BRD10: variants seen among roughly 807,000 people sequenced by gnomAD.
BRD10 encodes uncharacterized bromodomain-containing protein 10.
chr9:5,881,938 C>T, the BRD10 span, among the ~76,000 whole-genome samples: 2 of 152,182 alleles, frequency 1.3e-5, no homozygotes, highest in Non-Finnish European at 2.9e-5. Context: ...TCCCCACTCT[C>T]ACAGAGCCCA....
the BRD10 span, chr9:5,920,528 G>T: frequency 1.9e-6 from 3 of 1,613,958 alleles, no homozygotes; most frequent in South Asian, 1.1e-5. Context: ...AAAATTGGAC[G>T]TATTAGTTAT....
the BRD10 span, chr9:5,920,579 G>C: frequency 6.8e-6 from 11 of 1,613,930 alleles, no homozygotes; most frequent in Non-Finnish European, 8.5e-6. Flanking sequence ...TTCAGTTTGA[G>C]GTTTATTTGT....
the BRD10 span, among the ~76,000 whole-genome samples, chr9:5,993,945 A>C: frequency 6.7e-6 from 1 of 149,380 alleles, no homozygotes; most frequent in Non-Finnish European, 1.5e-5. Context: ...GAATTCTGAC[A>C]AAAAAATTTG....
At chr9:5,983,322 C>T in the BRD10 span, among the ~76,000 whole-genome samples, 9 of 152,152 alleles carry the variant, frequency 5.9e-5, no homozygotes, top group Non-Finnish European at 1.2e-4. Flanking sequence ...AACTGTTCTA[C>T]AAGAAATTTA....
chr9:5,981,688 CA>C, the BRD10 span, among the ~76,000 whole-genome samples: 3 of 152,144 alleles, frequency 2.0e-5, no homozygotes, highest in South Asian at 6.2e-4. Flanking sequence ...AAGGGAGACA[CA>C]AGAATGTTTA....
the BRD10 span, chr9:5,908,706 T>C: frequency 1.2e-6 from 2 of 1,613,732 alleles, no homozygotes; most frequent in East Asian, 4.5e-5. Context: ...TTATTCACCT[T>C]AAGAGCCAGC....
the BRD10 span, chr9:5,922,301 G>A: frequency 1.1e-4 from 184 of 1,613,992 alleles, no homozygotes; most frequent in Middle Eastern, 1.5e-3. Flanking sequence ...AGGCTGACCT[G>A]TGGAGGAAAT....
chr9:5,922,775 A>G, the BRD10 span: 2 of 1,614,010 alleles, frequency 1.2e-6, no homozygotes, highest in Non-Finnish European at 1.7e-6. Flanking sequence ...ATCTATTGGC[A>G]ACCACTGGCC....
the BRD10 span, chr9:6,007,715 C>T: frequency 6.4e-5 from 102 of 1,602,488 alleles, no homozygotes; most frequent in South Asian, 3.9e-4. Context: ...TCGTCCTCTC[C>T]TTCGGCCGCC....
At chr9:5,967,951 G>T in the BRD10 span, 1 of 950,984 alleles carries the variant, frequency 1.1e-6, no homozygotes, top group Non-Finnish European at 1.6e-6. Context: ...AAGCATCCAT[G>T]ATGCATAATG....
At chr9:5,900,130 C>T in the BRD10 span, among the ~76,000 whole-genome samples, 8 of 152,142 alleles carry the variant, frequency 5.3e-5, no homozygotes, top group African/African-American at 1.2e-4. Context: ...CTATTGAACA[C>T]AAATGCAGTA....
chr9:5,999,149 G>C, the BRD10 span, among the ~76,000 whole-genome samples: 1 of 151,864 alleles, frequency 6.6e-6, no homozygotes. Flanking sequence ...AAACAACTTG[G>C]TAGTAGACTA....
chr9:5,956,021 T>C, the BRD10 span, among the ~76,000 whole-genome samples: 1 of 152,124 alleles, frequency 6.6e-6, no homozygotes, highest in Admixed American at 6.5e-5. Flanking sequence ...AAAAACTGAA[T>C]GATCTTGCTG....
the BRD10 span, among the ~76,000 whole-genome samples, chr9:5,900,175 A>G: frequency 2.2e-4 from 34 of 152,160 alleles, no homozygotes; most frequent in Non-Finnish European, 4.7e-4. Flanking sequence ...CTCATCTTAA[A>G]TTCATTTAAT....
At chr9:5,911,327 ACC>A in the BRD10 span, among the ~76,000 whole-genome samples, 1 of 148,532 alleles carries the variant, frequency 6.7e-6, no homozygotes, top group Non-Finnish European at 1.5e-5. Context: ...TGTTCTTGGC[ACC>A]TTTGTTGAAA....
the BRD10 span, among the ~76,000 whole-genome samples, chr9:5,903,614 A>G: frequency 6.6e-6 from 1 of 152,312 alleles, no homozygotes; most frequent in Admixed American, 6.5e-5. Flanking sequence ...CTCCAACTTC[A>G]TAGTGGATGC....
chr9:5,987,709 A>G, the BRD10 span, among the ~76,000 whole-genome samples: 2 of 152,206 alleles, frequency 1.3e-5, no homozygotes, highest in African/African-American at 4.8e-5. Flanking sequence ...ATCACTCCTA[A>G]CATAGTTCGC....
At chr9:5,979,148 C>T in the BRD10 span, among the ~76,000 whole-genome samples, 1 of 152,154 alleles carries the variant, frequency 6.6e-6, no homozygotes, top group Non-Finnish European at 1.5e-5. Context: ...AAATCTGTTT[C>T]AATTCCAGTG....
chr9:5,965,163 A>G, the BRD10 span, among the ~76,000 whole-genome samples: 1 of 152,040 alleles, frequency 6.6e-6, no homozygotes, highest in Non-Finnish European at 1.5e-5. Context: ...ACAACATAAA[A>G]CAGACCAGAT....
Sources: allele counts gnomAD v4.1 joint callset (sites outside exome capture counted in the v4.1 genomes callset), GRCh38; gene constraint gnomAD v4.1.1; transcripts MANE v1.5; gene names NCBI Gene and HGNC (gene_info 2026-07-23, HGNC 2026-07-21).